Variants in MGAT4C observed in about 807,000 individuals in gnomAD.
The protein encoded by MGAT4C is MGAT4 family member C, also known as alpha-1,3-mannosyl-glycoprotein 4-beta-N-acetylglucosaminyltransferase C.
Under a neutral mutation model 40.1 loss-of-function variants are expected in MGAT4C, and 19 were observed. The observed-to-expected ratio is 0.47, with a 90% CI of 0.33 to 0.70. The LOEUF (loss-of-function observed/expected upper bound fraction) is 0.70. Among genes scored for constraint, MGAT4C ranks in the 30% least tolerant of loss-of-function variants. The pLI is 0.02. For synonymous variants in MGAT4C, 181 were observed against 187.1 expected, an observed-to-expected ratio of 0.97 and a Z score of 0.27; for missense variants, 491 against 563.2, an observed-to-expected ratio of 0.87 and a Z score of 1.30.
chr12:86,455,169 T>G (rs1957489672), intron 2 of MGAT4C, among the ~76,000 whole-genome samples: 1 of 152,168 alleles, frequency 6.6e-6, no homozygotes, highest in Non-Finnish European at 1.5e-5. Context: ...TGTGTTTGAA[T>G]GAAAAGAAAT....
chr12:86,247,704 G>A (rs1194598998), intron 1 of MGAT4C, among the ~76,000 whole-genome samples: 1 of 152,106 alleles, frequency 6.6e-6, no homozygotes, highest in Non-Finnish European at 1.5e-5. Flanking sequence ...CATAAACTAA[G>A]GCTCAGTGGT....
intron 1 of MGAT4C, among the ~76,000 whole-genome samples, chr12:86,817,616 C>A (rs868600641): frequency 6.6e-6 from 1 of 151,466 alleles, no homozygotes; most frequent in African/African-American, 2.4e-5. Context: ...ACCTTTGTTG[C>A]TATAAGCATT....
intron 1 of MGAT4C, among the ~76,000 whole-genome samples, chr12:86,797,435 C>T (rs1952144845): frequency 6.6e-6 from 1 of 151,780 alleles, no homozygotes; most frequent in Non-Finnish European, 1.5e-5. Flanking sequence ...ATATCCACCA[C>T]ATGACTATAT....
intron 2 of MGAT4C, among the ~76,000 whole-genome samples, chr12:86,485,306 A>T (rs572651218): frequency 6.6e-6 from 1 of 152,302 alleles, no homozygotes; most frequent in East Asian, 1.9e-4. Flanking sequence ...TTCAGGAACA[A>T]GTTGAAACCC....
chr12:86,596,063 T>C (rs113933704), intron 2 of MGAT4C, among the ~76,000 whole-genome samples: 493 of 152,244 alleles, frequency 3.2e-3, no homozygotes, highest in African/African-American at 0.011. Flanking sequence ...ATATATCTCA[T>C]CTAAAACAAG....
chr12:86,156,057 CATATT>C (rs564216602), intron 1 of MGAT4C, among the ~76,000 whole-genome samples: 98 of 152,200 alleles, frequency 6.4e-4, no homozygotes, highest in Non-Finnish European at 1.1e-3. Flanking sequence ...TATTAAATTG[CATATT>C]ATATTAATAC....
At chr12:86,184,332 G>A (rs839102) in intron 1 of MGAT4C, among the ~76,000 whole-genome samples, 99,863 of 150,942 alleles carry the variant, frequency 0.66, 33,414 homozygotes, top group South Asian at 0.75. Flanking sequence ...AGCTGAGATT[G>A]CGCACTGCAC....
intron 4 of MGAT4C, among the ~76,000 whole-genome samples, chr12:86,323,457 T>A (rs1216215186): frequency 6.6e-6 from 1 of 151,690 alleles, no homozygotes; most frequent in African/African-American, 2.4e-5. Context: ...AACCACAATA[T>A]TTATTTAGGA....
intron 1 of MGAT4C, among the ~76,000 whole-genome samples, chr12:86,057,217 G>C (rs1490327905): frequency 6.6e-6 from 1 of 151,808 alleles, no homozygotes; most frequent in Non-Finnish European, 1.5e-5. Context: ...TAGCTCTGTG[G>C]TTCAGGCTGG....
At chr12:86,129,188 C>G (rs959541936) in intron 1 of MGAT4C, among the ~76,000 whole-genome samples, 6 of 150,120 alleles carry the variant, frequency 4.0e-5, no homozygotes, top group Non-Finnish European at 7.4e-5. Flanking sequence ...GGACTGAGCC[C>G]CGAACAAAGA....
intron 2 of MGAT4C, among the ~76,000 whole-genome samples, chr12:86,474,820 T>C (rs1331086240): frequency 1.3e-5 from 2 of 152,146 alleles, no homozygotes; most frequent in Non-Finnish European, 2.9e-5. Context: ...TTTTGCAAGA[T>C]GTGGACACCT....
At chr12:86,606,680 C>A (rs1962056730) in intron 2 of MGAT4C, among the ~76,000 whole-genome samples, 1 of 152,072 alleles carries the variant, frequency 6.6e-6, no homozygotes, top group South Asian at 2.1e-4. Flanking sequence ...GCATTTTTAA[C>A]AGTCATTGTC....
At chr12:86,047,302 C>A (rs1395015278) in intron 2 of MGAT4C, among the ~76,000 whole-genome samples, 2 of 152,084 alleles carry the variant, frequency 1.3e-5, no homozygotes, top group Non-Finnish European at 2.9e-5. Context: ...TACTTTTCTG[C>A]TTCAAGACTG....
chr12:86,584,139 A>G (rs1271760143), intron 2 of MGAT4C, among the ~76,000 whole-genome samples: 1 of 150,892 alleles, frequency 6.6e-6, no homozygotes, highest in Non-Finnish European at 1.5e-5. Flanking sequence ...AATTCAGTGA[A>G]TATCCACATA....
Position 86,266,593 on chromosome 12 carries a change from T to C in MGAT4C, c.-57+67472A>G, listed in dbSNP as rs369630380. Among the ~76,000 whole-genome samples, 94 of 152,154 alleles carry C rather than the reference T, an allele frequency of 6.2e-4. No individual in the cohort carries two copies. The South Asian group carries it at 0.018, about 30-fold the overall frequency. ...GATTATAAGGGATATTGTTCTGGAGTTTTGTTGTTGTGATTGTGTCCTTGT... is the reference window on the plus strand; with the variant it reads ...GATTATAAGGGATATTGTTCTGGAGCTTTGTTGTTGTGATTGTGTCCTTGT... On this transcript the variant is annotated intron_variant, in intron 4 of 7. Coordinates refer to the MGAT4C transcript ENST00000548651.
At chr12:86,311,176 G>A (rs1280528308) in intron 4 of MGAT4C, among the ~76,000 whole-genome samples, 1 of 152,106 alleles carries the variant, frequency 6.6e-6, no homozygotes, top group African/African-American at 2.4e-5. Flanking sequence ...ATCCTATAGT[G>A]TACCTACACA....
intron 2 of MGAT4C, chr12:86,013,563 T>G (rs1316222726): frequency 1.1e-5 from 2 of 177,104 alleles, no homozygotes; most frequent in Non-Finnish European, 2.2e-5. Context: ...TTATACATAA[T>G]GTGGCATATA....
chr12:86,523,309 CA>C (rs1453055538), intron 2 of MGAT4C, among the ~76,000 whole-genome samples: 1 of 152,108 alleles, frequency 6.6e-6, no homozygotes, highest in African/African-American at 2.4e-5. Flanking sequence ...TCATTAGTTT[CA>C]AATAACTTCT....
At chr12:86,080,119 C>G (rs1373858428) in intron 1 of MGAT4C, among the ~76,000 whole-genome samples, 2 of 152,112 alleles carry the variant, frequency 1.3e-5, no homozygotes, top group South Asian at 4.1e-4. Flanking sequence ...TGCTATGCTG[C>G]CATGCCATCT....
Sources: gnomAD v4.1 joint callset for allele counts (sites outside exome capture counted in the v4.1 genomes callset) on GRCh38, gnomAD v4.1.1 for gene constraint, MANE v1.5 for transcripts, NCBI Gene and HGNC (gene_info 2026-07-23, HGNC 2026-07-21) for gene names.